Variants in BSN observed in about 807,000 individuals in gnomAD.
BSN encodes bassoon presynaptic cytomatrix protein.
Under a neutral mutation model 264.8 loss-of-function variants are expected in BSN, and 57 were observed. The observed-to-expected ratio is 0.22, with a 90% CI of 0.17 to 0.27. BSN has a LOEUF of 0.27. Ranked by LOEUF, BSN falls within the 10% of genes least tolerant of loss-of-function variation. The pLI is 1.00. For synonymous variants in BSN, 2,059 were observed against 2,137.3 expected, an observed-to-expected ratio of 0.96 and a Z score of 1.01; for missense variants, 4,615 against 5,232.5, an observed-to-expected ratio of 0.88 and a Z score of 3.64.
intron 1 of BSN, among the ~76,000 whole-genome samples, chr3:49,573,184 C>T (rs1394063796): frequency 6.6e-6 from 1 of 152,168 alleles, no homozygotes; most frequent in Non-Finnish European, 1.5e-5. Flanking sequence ...AACTAATGCC[C>T]TGAGGCAGTG....
At chr3:49,666,817 A>G (rs1245762939) in intron 11 of BSN, among the ~76,000 whole-genome samples, 1 of 152,222 alleles carries the variant, frequency 6.6e-6, no homozygotes, top group African/African-American at 2.4e-5. Context: ...GTGCAGGCCA[A>G]GTAAGGAGCC....
rs756708076 is a variant in BSN at position 49,663,173 on chromosome 3, G to T, written c.11015G>T (p.Arg3672Leu). The stretch of plus-strand genomic sequence containing the variant: ...CGGCGTGCTGCCAAACCACACGCTC[G>T]GGACCTGGGTCGCCATGAGGCCCGG... ...PGRRAAKPHA[R>L]DLGRHEARPH... The change falls in exon 7 of 12, where the codon CGG becomes CTG. Residue 3672 changes from arginine (R) to leucine (L), a missense_variant. This residue lies in a region of BSN where 3,415 missense variants were observed against 3,866.4 expected (regional missense o/e 0.88). Transcript: ENST00000296452. 11 of 1,613,330 alleles carry T rather than the reference G, an allele frequency of 6.8e-6. No homozygotes were observed. The highest frequency in any genetic ancestry group is 2.7e-5 in the African/African-American group (2 of 74,944).
rs2052627619 is a variant in BSN, at chr3:49,658,226, G to T, written c.8640+30G>T. On this transcript the variant is annotated intron_variant, in intron 5 of 11. Coordinates refer to ENST00000296452, the MANE Select transcript of BSN (RefSeq NM_003458.4). ...GGGAACAGGGGCTGTTCCAGGGTGG[G>T]ACAGGGGTCTCTGCCTAGCCCGAGG... 3 of 1,507,784 alleles carry T rather than the reference G, an allele frequency of 2.0e-6. No individual in the cohort carries two copies. The East Asian group carries it at 6.9e-5, about 35-fold the overall frequency. The allele number at this position is 1,507,784 out of a possible 1,614,324, so 93.4% of individuals were successfully genotyped here. A position where few individuals can be genotyped will look rare whatever the true frequency, so the allele number is the denominator to read the frequency against.
At chr3:49,588,680 T>G in intron 1 of BSN, among the ~76,000 whole-genome samples, 1 of 152,232 alleles carries the variant, frequency 6.6e-6, no homozygotes, top group Admixed American at 6.5e-5. Flanking sequence ...ATTTCTTCTC[T>G]GACCCATGAG....
chr3:49,563,224 A>G (rs924684323), intron 1 of BSN, among the ~76,000 whole-genome samples: 1 of 152,056 alleles, frequency 6.6e-6, no homozygotes, highest in East Asian at 1.9e-4. Flanking sequence ...CTGGCTGGCA[A>G]CCCACCTCTG....
rs747417220 is a variant in BSN, at chr3:49,652,746, C to G, written c.3190C>G (p.Gln1064Glu). Residue 1064 changes from glutamine (Q) to glutamate (E), a missense_variant, in exon 5 of 12, where the codon CAG (glutamine) becomes GAG (glutamate). Gln to Glu is a conservative substitution (Grantham distance 29). Around this residue, in one of 3 missense-constraint regions of BSN, gnomAD observed 3,415 missense variants for 3,866.4 expected, o/e 0.88. Transcript: ENST00000296452. The stretch of plus-strand genomic sequence containing the variant: ...GCAAGAGAAGATGCGGGAGGTGGAG[C>G]AGCAGCGCATCCGCAGCACGGCCCG... ...REQEKMREVE[Q>E]QRIRSTARKT... 1 of 1,557,634 alleles carries G rather than the reference C, an allele frequency of 6.4e-7. No homozygotes were observed. The highest frequency in any genetic ancestry group is 8.7e-7 in the Non-Finnish European group (1 of 1,152,376).
intron 1 of BSN, among the ~76,000 whole-genome samples, chr3:49,559,575 A>G (rs2051698441): frequency 6.6e-6 from 1 of 152,156 alleles, no homozygotes; most frequent in South Asian, 2.1e-4. Context: ...TGTCTTATGA[A>G]TTTACTTTTA....
rs1484718563 is a variant in BSN, at chr3:49,653,687, C to T, written c.4131C>T (p.Gly1377=). Reference sequence around the variant, plus strand: ...AGATAGGCATGCCCTTTTCCCAGGGCCCTGGGACCCCAGCCACCACAGCTG... The same window carrying T: ...AGATAGGCATGCCCTTTTCCCAGGGTCCTGGGACCCCAGCCACCACAGCTG... ...SKEIGMPFSQ[G]PGTPATTAVA... is the part of the protein sequence containing the mutation. The change falls in exon 5 of 12, where the codon GGC becomes GGT. Residue 1377 remains glycine, a synonymous_variant. Coordinates refer to ENST00000296452, the MANE Select transcript of BSN (RefSeq NM_003458.4). This position sits in a 1 kb window ranked among gnomAD's most constrained non-coding sequence, Gnocchi z 6.3. The T allele has an allele frequency of 1.2e-6, 2 of 1,613,788 alleles. No individual in the cohort carries two copies. Among genetic ancestry groups the T allele is most frequent in the South Asian group, 2.2e-5 (2 of 91,048 alleles).
chr3:49,588,775 T>C (rs1213780427), intron 1 of BSN, among the ~76,000 whole-genome samples: 1 of 152,238 alleles, frequency 6.6e-6, no homozygotes, highest in Non-Finnish European at 1.5e-5. Flanking sequence ...TTTAATTATA[T>C]TGTGTTCAGA....
rs567485721 is a variant in BSN at position 49,651,828 on chromosome 3, A to C, written c.2272A>C (p.Lys758Gln). ...PLSSGTGEEQ[K>Q]QRPHSLSITP... ...CTCCAGCGGTACTGGCGAGGAGCAG[A>C]AGCAGCGGCCCCACTCCTTGTCCAT... The change falls in exon 5 of 12, where the codon AAG becomes CAG. Residue 758 changes from lysine (K) to glutamine (Q), a missense_variant. By Grantham distance (53) the Lys-to-Gln change is moderately conservative. This residue lies in a region of BSN where 1,197 missense variants were observed against 1,348.0 expected (regional missense o/e 0.89). Transcript: ENST00000296452. The surrounding 1 kb of genome is among the most constrained non-coding windows in gnomAD (Gnocchi z 5.4). 1 of 1,613,826 alleles carries C rather than the reference A, an allele frequency of 6.2e-7. No individual in the cohort carries two copies. Among genetic ancestry groups the C allele is most frequent in the African/African-American group, 1.3e-5 (1 of 75,048 alleles).
chr3:49,620,037 T>C (rs942422494), intron 1 of BSN, among the ~76,000 whole-genome samples: 3 of 152,068 alleles, frequency 2.0e-5, no homozygotes, highest in Non-Finnish European at 4.4e-5. Context: ...AAATTTGTTA[T>C]ATGATGGGTC....
At position 49,642,469 on chromosome 3, in the gene BSN, G is replaced by C. The variant is rs926104821; in HGVS notation, c.835G>C (p.Ala279Pro). The C allele has an allele frequency of 1.3e-6, 2 of 1,583,224 alleles. No individual in the cohort carries two copies. Among genetic ancestry groups the C allele is most frequent in the African/African-American group, 1.4e-5 (1 of 73,836 alleles). The change falls in exon 3 of 12, where the codon GCT becomes CCT. Residue 279 changes from alanine to proline, a missense_variant. By Grantham distance (27) the Ala-to-Pro change is conservative. Transcript: ENST00000296452. This position sits in a 1 kb window ranked among gnomAD's most constrained non-coding sequence, Gnocchi z 7.0. Reference sequence around the variant, plus strand: ...AGGACCACAGCCTGGGTCCCGCCAGGCTGAGACAGCCAGGGCCACCTCAGT... The same window carrying C: ...AGGACCACAGCCTGGGTCCCGCCAGCCTGAGACAGCCAGGGCCACCTCAGT... ...PGGPQPGSRQ[A>P]ETARATSVPG...
intron 2 of BSN, among the ~76,000 whole-genome samples, chr3:49,628,996 G>A (rs979315566): frequency 7.9e-5 from 12 of 152,148 alleles, no homozygotes; most frequent in African/African-American, 2.9e-4. Context: ...GAGAAAGACT[G>A]GGTGTTTCTG....
intron 1 of BSN, among the ~76,000 whole-genome samples, chr3:49,589,627 C>T (rs564576981): frequency 1.3e-4 from 20 of 150,704 alleles, no homozygotes; most frequent in Admixed American, 1.1e-3. Flanking sequence ...CTGCCTCAGC[C>T]TCCCAAGTAG....
At chr3:49,591,070 C>CA (rs748353555) in intron 1 of BSN, among the ~76,000 whole-genome samples, 1,370 of 112,974 alleles carry the variant, frequency 0.012, 7 homozygotes, top group South Asian at 0.017. Context: ...GACTCCATCT[C>CA]AAAAAAAAAA....
rs1559622206 is a variant in BSN at position 49,671,157 on chromosome 3, C to CTT, written c.*3672_*3673insTT. 7.7e-5 allele frequency: 4 copies of CTT among 52,264 alleles called. No individual in the cohort carries two copies. Among genetic ancestry groups the CTT allele is most frequent in the Non-Finnish European group, 1.8e-4 (4 of 22,712 alleles). The allele number at this position is 52,264 out of a possible 1,614,324, so 3.2% of individuals were successfully genotyped here. The stretch of plus-strand genomic sequence containing the variant: ...ATGTGTGTATGTGCGTGCGTGCGTG[C>CTT]GTGTGTGTGTGTGTGTGTGTTTCTG... On this transcript the variant is annotated 3_prime_UTR_variant, in exon 12 of 12. Transcript: ENST00000296452. This position sits in a 1 kb window ranked among gnomAD's most constrained non-coding sequence, Gnocchi z 4.1.
intron 1 of BSN, among the ~76,000 whole-genome samples, chr3:49,560,067 T>G (rs1271587947): frequency 5.3e-5 from 8 of 151,640 alleles, no homozygotes; most frequent in African/African-American, 1.9e-4. Context: ...GGAAAGTTGT[T>G]TTTTTTTTCC....
chr3:49,665,975 T>G (rs2052710474), intron 11 of BSN, among the ~76,000 whole-genome samples: 1 of 152,248 alleles, frequency 6.6e-6, no homozygotes. Flanking sequence ...GTCCTGGCCC[T>G]GGCCCTGGCC....
Position 49,642,057 on chromosome 3 carries a change from A to G in BSN, c.634-211A>G, listed in dbSNP as rs1426515357. 1.3e-5 allele frequency among the ~76,000 whole-genome samples: 2 copies of G among 152,042 alleles called. No homozygotes were observed. Among genetic ancestry groups the G allele is most frequent in the African/African-American group, 4.8e-5 (2 of 41,384 alleles). On this transcript the variant is annotated intron_variant, in intron 2 of 11. Transcript: ENST00000296452. This position sits in a 1 kb window ranked among gnomAD's most constrained non-coding sequence, Gnocchi z 7.0. ...TGGGGTGGGGGATGGGACTGCCTCC[A>G]CTGCCTCACATGCCTGGCAACTCCT...
Sources: gnomAD v4.1 joint callset for allele counts (sites outside exome capture counted in the v4.1 genomes callset) on GRCh38, gnomAD v4.1.1 for gene constraint, gnomAD v4.1.1 regional missense constraint, Gnocchi (gnomAD v3.1) non-coding constraint, MANE v1.5 for transcripts, NCBI Gene and HGNC (gene_info 2026-07-23, HGNC 2026-07-21) for gene names.